The following HDAC4 variants were observed in gnomAD, a reference collection of about 807,000 sequenced individuals.
HDAC4 encodes histone deacetylase A.
In HDAC4, 16 loss-of-function variants were observed where a neutral mutation model predicts 135.1. The observed-to-expected ratio is 0.12, with a 90% confidence interval of 0.08 to 0.18. HDAC4 has a LOEUF of 0.18. Among genes scored for constraint, HDAC4 ranks in the 10% least tolerant of loss-of-function variants. The probability of loss-of-function intolerance (pLI) is 1.00; values close to 1 mark genes in which losing one functional copy is unlikely to be tolerated. For synonymous variants in HDAC4, 685 were observed against 653.4 expected (o/e 1.05, Z -0.74); for missense variants, 1,143 against 1,511.8 (o/e 0.76, Z 4.05).
intron 19 of HDAC4, among the ~76,000 whole-genome samples, chr2:239,084,885 C>T (rs544150379): frequency 6.0e-5 from 9 of 151,156 alleles, no homozygotes; most frequent in Middle Eastern, 3.2e-3. Flanking sequence ...CATACCCACC[C>T]CCCCCACGTA....
At chr2:239,251,914 C>T (rs2048804214) in intron 2 of HDAC4, among the ~76,000 whole-genome samples, 1 of 152,126 alleles carries the variant, frequency 6.6e-6, no homozygotes, top group South Asian at 2.1e-4. Flanking sequence ...ACATCACAAC[C>T]TCCCCTACAC....
rs1042591713 is a variant in HDAC4 at position 239,170,367 on chromosome 2, T to C, written c.490+6046A>G. 3.9e-5 allele frequency among the ~76,000 whole-genome samples: 6 copies of C among 152,356 alleles called. No homozygotes were observed. The East Asian group carries it at 1.2e-3, about 29-fold the overall frequency. On this transcript the variant is annotated intron_variant, in intron 5 of 26. Coordinates refer to ENST00000543185, the MANE Select transcript of HDAC4 (RefSeq NM_001378414.1). Reference sequence around the variant, plus strand: ...ATTTACTTAATAGTTATTTAATTCTTTTTAGAACACAAGGATTTCAAATAC... The same window carrying C: ...ATTTACTTAATAGTTATTTAATTCTCTTTAGAACACAAGGATTTCAAATAC...
chr2:239,065,957 C>A (rs918811819), intron 24 of HDAC4, among the ~76,000 whole-genome samples: 3 of 152,192 alleles, frequency 2.0e-5, no homozygotes, highest in African/African-American at 7.2e-5. Context: ...ATGAAAGGTA[C>A]CCCTCCACTT....
chr2:239,135,037 C>T (rs553383311), intron 9 of HDAC4, among the ~76,000 whole-genome samples: 466 of 152,266 alleles, frequency 3.1e-3, no homozygotes, highest in Non-Finnish European at 5.2e-3. Context: ...TCTTTCCAGA[C>T]ATAACATCAA....
intron 2 of HDAC4, among the ~76,000 whole-genome samples, chr2:239,300,482 C>T (rs532120641): frequency 1.3e-5 from 2 of 152,218 alleles, no homozygotes; most frequent in East Asian, 1.9e-4. Context: ...GGACCATTTC[C>T]GCCATCGCAG....
intron 24 of HDAC4, among the ~76,000 whole-genome samples, chr2:239,059,611 G>A (rs1431727859): frequency 6.6e-6 from 1 of 152,222 alleles, no homozygotes; most frequent in African/African-American, 2.4e-5. Context: ...GAAGGAATAG[G>A]AAACTTCAAT....
chr2:239,068,835 A>G lies in HDAC4; in HGVS notation c.2751-228T>C, dbSNP rs2033869727. 1.7e-6 allele frequency: 1 copy of G among 587,420 alleles called. No individual in the cohort carries two copies. 36.4% of individuals were successfully genotyped at this position (587,420 alleles called of 1,614,324 possible). ...ATTTCACATCTTCACAGTGCAAGCCAGCAAGCCCCACGACACTTGCTTGGT... is the reference window on the plus strand; with the variant it reads ...ATTTCACATCTTCACAGTGCAAGCCGGCAAGCCCCACGACACTTGCTTGGT... On this transcript the variant is annotated intron_variant, in intron 22 of 26. Transcript: ENST00000543185. The surrounding 1 kb of genome is among the most constrained non-coding windows in gnomAD (Gnocchi z 4.4).
At chr2:239,277,508 T>C (rs6732673) in intron 2 of HDAC4, among the ~76,000 whole-genome samples, 71,167 of 152,036 alleles carry the variant, frequency 0.47, 17,647 homozygotes, top group African/African-American at 0.63. Context: ...AGTCACGCCA[T>C]GGTGGCCCAT....
chr2:239,336,703 A>C (rs1168793076), intron 2 of HDAC4, among the ~76,000 whole-genome samples: 1 of 152,188 alleles, frequency 6.6e-6, no homozygotes, highest in Non-Finnish European at 1.5e-5. Flanking sequence ...CATATACCCT[A>C]CCAATACCAC....
intron 12 of HDAC4, among the ~76,000 whole-genome samples, chr2:239,121,065 G>C (rs1326773083): frequency 1.3e-5 from 2 of 149,068 alleles, no homozygotes; most frequent in Non-Finnish European, 3.0e-5. Flanking sequence ...TCATGCATTA[G>C]GCAGTCCTCC....
At chr2:239,353,922 C>T (rs1388268368) in intron 1 of HDAC4, among the ~76,000 whole-genome samples, 4 of 152,162 alleles carry the variant, frequency 2.6e-5, no homozygotes, top group African/African-American at 4.8e-5. Flanking sequence ...TTCTAAAGTC[C>T]GCATTCCTCA....
At chr2:239,230,552 G>A (rs889383094) in intron 3 of HDAC4, among the ~76,000 whole-genome samples, 2 of 152,056 alleles carry the variant, frequency 1.3e-5, no homozygotes, top group Non-Finnish European at 2.9e-5. Flanking sequence ...GGCGCCGCCA[G>A]GACGAGGCCG....
At chr2:239,304,549 G>A (rs1351463857) in intron 2 of HDAC4, among the ~76,000 whole-genome samples, 4 of 152,182 alleles carry the variant, frequency 2.6e-5, no homozygotes, top group African/African-American at 7.2e-5. Flanking sequence ...TTATGCCTGC[G>A]TAAACTTCTT....
In HDAC4 at chr2:239,051,906, TAAG is replaced by T. The variant is rs2030911922; in HGVS notation, c.*1188_*1190del. On this transcript the variant is annotated 3_prime_UTR_variant, in exon 27 of 27. Transcript: ENST00000543185. Reference sequence around the variant, plus strand: ...TTATAAATATTTTATCAAGATTTCATAAGAATCAAGTAAGTTTCTTAGCTTGGA... The same window carrying T: ...TTATAAATATTTTATCAAGATTTCATAATCAAGTAAGTTTCTTAGCTTGGA... 1.3e-5 allele frequency: 2 copies of T among 151,448 alleles called. No individual in the cohort carries two copies. Among genetic ancestry groups the T allele is most frequent in the African/African-American group, 4.8e-5 (2 of 41,308 alleles). 9.4% of individuals were successfully genotyped at this position (151,448 alleles called of 1,614,324 possible). A position where few individuals can be genotyped will look rare whatever the true frequency, so the allele number is the denominator to read the frequency against.
At chr2:239,060,517 A>G (rs2032530448) in intron 24 of HDAC4, among the ~76,000 whole-genome samples, 1 of 152,230 alleles carries the variant, frequency 6.6e-6, no homozygotes, top group Admixed American at 6.5e-5. Context: ...CGTGGCGGTC[A>G]TGAGGAAGGG....
At chr2:239,298,863 ATTT>A (rs35449811) in intron 2 of HDAC4, among the ~76,000 whole-genome samples, 13 of 82,982 alleles carry the variant, frequency 1.6e-4, no homozygotes, top group Non-Finnish European at 2.4e-4. Context: ...GCCATAGCCT[ATTT>A]TTTTTTTTTT....
intron 3 of HDAC4, among the ~76,000 whole-genome samples, chr2:239,203,100 A>G (rs2045857876): frequency 6.6e-6 from 1 of 152,198 alleles, no homozygotes; most frequent in Admixed American, 6.5e-5. Flanking sequence ...ATAGGGTGGC[A>G]GGCAGAAGCT....
At chr2:239,319,412 C>T (rs978302358) in intron 2 of HDAC4, among the ~76,000 whole-genome samples, 3 of 152,244 alleles carry the variant, frequency 2.0e-5, no homozygotes, top group African/African-American at 7.2e-5. Context: ...ACACTGACAG[C>T]CACAGCAGGC....
At chr2:239,106,973 T>C (rs3791404) in intron 15 of HDAC4, among the ~76,000 whole-genome samples, 71,832 of 151,874 alleles carry the variant, frequency 0.47, 18,114 homozygotes, top group South Asian at 0.71. Flanking sequence ...ATAGCAGGTC[T>C]CTACTGGTGG....
Sources: gnomAD v4.1 joint callset for allele counts (sites outside exome capture counted in the v4.1 genomes callset) on GRCh38, gnomAD v4.1.1 for gene constraint, Gnocchi (gnomAD v3.1) non-coding constraint, MANE v1.5 for transcripts, NCBI Gene and HGNC (gene_info 2026-07-23, HGNC 2026-07-21) for gene names.